Variants in LARGE1 observed in about 807,000 individuals in gnomAD.
The protein encoded by LARGE1 is LARGE xylosyl- and glucuronyltransferase 1.
LARGE1 carries 43 observed loss-of-function variants against 87.6 expected under a neutral mutation model. The ratio of observed to expected loss-of-function variants is 0.49; its 90% CI spans 0.38 to 0.63. The LOEUF (loss-of-function observed/expected upper bound fraction) is 0.63. LARGE1 is among the 30% of genes least tolerant of loss of function. The pLI is 0.00. For missense variants in LARGE1, 802 were observed against 1,000.2 expected (o/e 0.80, Z 2.67); for synonymous variants, 434 against 394.6 (o/e 1.10, Z -1.18).
At chr22:33,828,217 A>C (rs750788474) in intron 1 of LARGE1, among the ~76,000 whole-genome samples, 7 of 152,196 alleles carry the variant, frequency 4.6e-5, no homozygotes, top group Non-Finnish European at 8.8e-5. Flanking sequence ...GAGTAAGTTG[A>C]TCCATGAGAA....
chr22:33,651,389 CAAAAAAA>C (rs59002897), intron 2 of LARGE1, among the ~76,000 whole-genome samples: 3 of 54,356 alleles, frequency 5.5e-5, no homozygotes, highest in South Asian at 1.0e-3. Context: ...GACTCCGTCT[CAAAAAAA>C]AAAAAAAAAA....
chr22:33,336,332 C>G (rs1938438972), intron 10 of LARGE1, among the ~76,000 whole-genome samples: 1 of 152,106 alleles, frequency 6.6e-6, no homozygotes, highest in Non-Finnish European at 1.5e-5. Flanking sequence ...TCCCGAGTAG[C>G]TGGGATTATA....
chr22:33,420,535 G>C (rs1311026709), intron 7 of LARGE1, among the ~76,000 whole-genome samples: 1 of 152,218 alleles, frequency 6.6e-6, no homozygotes, highest in Non-Finnish European at 1.5e-5. Context: ...TGTGTTCAAA[G>C]AGCAGCAAGG....
chr22:33,211,369 T>C (rs1363822593), intron 11 of LARGE1, among the ~76,000 whole-genome samples: 2 of 152,162 alleles, frequency 1.3e-5, no homozygotes, highest in Non-Finnish European at 2.9e-5. Context: ...CTAGAAATGA[T>C]TACACTTAGT....
At chr22:33,268,414 A>G (rs530765897), downstream of LARGE1, among the ~76,000 whole-genome samples, 76 of 149,778 alleles carry the variant, frequency 5.1e-4, 1 homozygote, top group Non-Finnish European at 9.9e-4. Flanking sequence ...GAATATCTTA[A>G]TAGCTGTTAA....
chr22:33,781,364 G>C (rs1255129999), intron 1 of LARGE1, among the ~76,000 whole-genome samples: 1 of 152,122 alleles, frequency 6.6e-6, no homozygotes, highest in Admixed American at 6.5e-5. Flanking sequence ...AGCCAGGCAT[G>C]GTGGTGGGTG....
chr22:33,842,046 A>G (rs1399658663), intron 1 of LARGE1, among the ~76,000 whole-genome samples: 2 of 152,240 alleles, frequency 1.3e-5, no homozygotes, highest in African/African-American at 2.4e-5. Context: ...TACAAAATAG[A>G]AAGTTTGTAA....
At chr22:33,132,668 C>G in the LARGE1 span, among the ~76,000 whole-genome samples, 46 of 151,634 alleles carry the variant, frequency 3.0e-4, no homozygotes, top group Non-Finnish European at 5.4e-4. Context: ...TACAGGGAGT[C>G]TGGTTGTCTA....
At chr22:33,798,646 G>GT (rs2086062914) in intron 1 of LARGE1, among the ~76,000 whole-genome samples, 3 of 152,090 alleles carry the variant, frequency 2.0e-5, no homozygotes, top group Non-Finnish European at 4.4e-5. Flanking sequence ...ACCTTGACAC[G>GT]TTTTTCAAAG....
intron 2 of LARGE1, chr22:33,743,957 A>G (rs1373591991): frequency 2.0e-5 from 3 of 152,150 alleles, no homozygotes; most frequent in African/African-American, 4.8e-5. Flanking sequence ...AGTGACCCTG[A>G]GCAATCCACT....
intron 6 of LARGE1, among the ~76,000 whole-genome samples, chr22:33,447,061 T>G (rs2067712836): frequency 6.6e-6 from 1 of 152,130 alleles, no homozygotes; most frequent in Admixed American, 6.5e-5. Context: ...AATCAGCTAA[T>G]TTTTGTATTT....
At chr22:33,307,012 CT>C (rs1935006906) in intron 11 of LARGE1, among the ~76,000 whole-genome samples, 1 of 152,202 alleles carries the variant, frequency 6.6e-6, no homozygotes, top group African/African-American at 2.4e-5. Context: ...ACACAACGCA[CT>C]GCTGTTTCTA....
chr22:33,310,442 G>C (rs1209854555), intron 11 of LARGE1, among the ~76,000 whole-genome samples: 1 of 152,072 alleles, frequency 6.6e-6, no homozygotes, highest in Non-Finnish European at 1.5e-5. Context: ...TGCTGGGATG[G>C]GAGGGAAGGG....
At chr22:33,501,353 G>A (rs1295883397) in intron 6 of LARGE1, among the ~76,000 whole-genome samples, 4 of 152,212 alleles carry the variant, frequency 2.6e-5, no homozygotes, top group African/African-American at 4.8e-5. Context: ...GGGAGAGGAT[G>A]GGAGATCGCC....
At chr22:33,490,188 C>T (rs1035644951) in intron 6 of LARGE1, among the ~76,000 whole-genome samples, 2 of 152,274 alleles carry the variant, frequency 1.3e-5, no homozygotes, top group African/African-American at 4.8e-5. Context: ...TTTATATATT[C>T]GGGTAAGTTA....
chr22:33,740,613 G>A (rs1196928780), intron 2 of LARGE1, among the ~76,000 whole-genome samples: 1 of 152,094 alleles, frequency 6.6e-6, no homozygotes, highest in Non-Finnish European at 1.5e-5. Context: ...TATGTGCTCG[G>A]TATGCAATGA....
chr22:33,758,282 C>A (rs1278570018), intron 2 of LARGE1, among the ~76,000 whole-genome samples: 6 of 152,196 alleles, frequency 3.9e-5, no homozygotes, highest in African/African-American at 1.4e-4. Context: ...CCATTTCTTA[C>A]ATAACCAGAT....
chr22:33,649,086 G>A (rs2080710936), intron 3 of LARGE1, among the ~76,000 whole-genome samples: 1 of 152,132 alleles, frequency 6.6e-6, no homozygotes, highest in Non-Finnish European at 1.5e-5. Context: ...CTACTCATAT[G>A]ACACATTCCT....
chr22:33,411,633 G>A (rs745576435), intron 7 of LARGE1, among the ~76,000 whole-genome samples: 2 of 152,162 alleles, frequency 1.3e-5, no homozygotes, highest in African/African-American at 2.4e-5. Flanking sequence ...AGGAGCTATT[G>A]TGTACCAATA....
Sources: allele counts gnomAD v4.1 joint callset (sites outside exome capture counted in the v4.1 genomes callset), GRCh38; gene constraint gnomAD v4.1.1; transcripts MANE v1.5; gene names NCBI Gene and HGNC (gene_info 2026-07-23, HGNC 2026-07-21).